Variants in PTPRD observed in about 807,000 individuals in gnomAD.
PTPRD encodes receptor-type tyrosine-protein phosphatase delta.
A neutral mutation model predicts 214.5 loss-of-function variants in PTPRD; 34 were observed. The observed-to-expected ratio is 0.16, with a 90% CI of 0.12 to 0.21. PTPRD has a LOEUF of 0.21. PTPRD is among the 10% of genes least tolerant of loss of function. The probability of loss-of-function intolerance (pLI) is 1.00; values close to 1 mark genes in which losing one functional copy is unlikely to be tolerated. For synonymous variants in PTPRD, 1,128 were observed against 845.7 expected (o/e 1.33, Z -5.79); for missense variants, 2,545 against 2,398.7 (o/e 1.06, Z -1.27).
At chr9:10,150,816 T>G (rs1266603769) in intron 3 of PTPRD, among the ~76,000 whole-genome samples, 1 of 152,036 alleles carries the variant, frequency 6.6e-6, no homozygotes, top group African/African-American at 2.4e-5. Flanking sequence ...TTACTGTGGG[T>G]AGTAAGATAA....
At chr9:9,236,214 T>C (rs897817899) in intron 9 of PTPRD, among the ~76,000 whole-genome samples, 3 of 151,908 alleles carry the variant, frequency 2.0e-5, no homozygotes, top group African/African-American at 7.3e-5. Context: ...GACTGTGCCA[T>C]TGCACTCCAG....
At chr9:10,108,612 G>A (rs2154226235) in intron 3 of PTPRD, among the ~76,000 whole-genome samples, 1 of 151,914 alleles carries the variant, frequency 6.6e-6, no homozygotes, top group East Asian at 1.9e-4. Flanking sequence ...TCCTACTGCT[G>A]GGTATTTATC....
At chr9:8,733,980 G>C (rs1465984406) in intron 11 of PTPRD, 34 bp from the exon 12 acceptor site, 4 of 847,052 alleles carry the variant, frequency 4.7e-6, no homozygotes, top group East Asian at 2.7e-5. Flanking sequence ...AGAAAAGGAA[G>C]AAAACACAAA....
At chr9:10,373,184 A>G (rs1350614149) in intron 2 of PTPRD, among the ~76,000 whole-genome samples, 1 of 152,004 alleles carries the variant, frequency 6.6e-6, no homozygotes, top group Non-Finnish European at 1.5e-5. Context: ...CAAAAATTCA[A>G]CATAAAGCAT....
At chr9:9,241,621 T>A (rs1373694320) in intron 9 of PTPRD, among the ~76,000 whole-genome samples, 1 of 152,052 alleles carries the variant, frequency 6.6e-6, no homozygotes, top group Non-Finnish European at 1.5e-5. Context: ...TCTCTTTTGA[T>A]CTTTGTTGGT....
chr9:10,053,461 G>A lies in PTPRD; in HGVS notation c.-544-19671C>T, dbSNP rs1057401728. On this transcript the variant is annotated intron_variant, in intron 3 of 45. Coordinates refer to ENST00000381196, the MANE Select transcript of PTPRD (RefSeq NM_002839.4). Reference sequence around the variant, plus strand: ...AAATATTTCATGAGGAACGTGAAATGTGATGTATTGTAACTACAGAGAGAA... The same window carrying A: ...AAATATTTCATGAGGAACGTGAAATATGATGTATTGTAACTACAGAGAGAA... Among the ~76,000 whole-genome samples, 5 of 152,272 alleles carry A rather than the reference G, an allele frequency of 3.3e-5. No individual in the cohort carries two copies. In the East Asian group the frequency reaches 9.7e-4, roughly 29 times the overall value.
intron 2 of PTPRD, among the ~76,000 whole-genome samples, chr9:10,423,852 G>A (rs758266558): frequency 1.3e-5 from 2 of 151,892 alleles, no homozygotes; most frequent in African/African-American, 4.8e-5. Context: ...GGATGCACCC[G>A]CTAGATTTTG....
At chr9:9,422,557 T>A (rs1314536901) in intron 8 of PTPRD, among the ~76,000 whole-genome samples, 1 of 152,102 alleles carries the variant, frequency 6.6e-6, no homozygotes, top group Non-Finnish European at 1.5e-5. Flanking sequence ...AAGACATACA[T>A]AAATACTGTC....
At chr9:8,645,061 T>C (rs1321500855) in intron 12 of PTPRD, among the ~76,000 whole-genome samples, 1 of 152,256 alleles carries the variant, frequency 6.6e-6, no homozygotes, top group Non-Finnish European at 1.5e-5. Flanking sequence ...ACAGATAATA[T>C]ATCGCAATTT....
At chr9:9,725,952 G>A (rs894507306) in intron 7 of PTPRD, among the ~76,000 whole-genome samples, 7 of 152,106 alleles carry the variant, frequency 4.6e-5, no homozygotes, top group African/African-American at 1.7e-4. Flanking sequence ...GGACAGTCAT[G>A]TAAAAGACAA....
intron 9 of PTPRD, among the ~76,000 whole-genome samples, chr9:9,250,904 G>T (rs772718459): frequency 4.6e-5 from 7 of 151,916 alleles, no homozygotes; most frequent in Non-Finnish European, 7.4e-5. Flanking sequence ...TTTATCCTTG[G>T]ATCACACATA....
chr9:8,899,787 T>C (rs2098651527), intron 11 of PTPRD, among the ~76,000 whole-genome samples: 1 of 152,180 alleles, frequency 6.6e-6, no homozygotes, highest in African/African-American at 2.4e-5. Flanking sequence ...GGTATCCTTG[T>C]GGGTGAGTGC....
At chr9:8,421,253 C>A (rs904518281) in intron 35 of PTPRD, among the ~76,000 whole-genome samples, 4 of 152,058 alleles carry the variant, frequency 2.6e-5, no homozygotes, top group Non-Finnish European at 5.9e-5. Flanking sequence ...AGAAAACCAA[C>A]CTCCTCCCTC....
At chr9:9,420,024 G>GA (rs984565900) in intron 8 of PTPRD, among the ~76,000 whole-genome samples, 1 of 151,418 alleles carries the variant, frequency 6.6e-6, no homozygotes, top group Non-Finnish European at 1.5e-5. Flanking sequence ...CCAGGTTACA[G>GA]AAAAAATATA....
At chr9:10,448,515 T>C (rs113264204) in intron 2 of PTPRD, among the ~76,000 whole-genome samples, 2,185 of 152,066 alleles carry the variant, frequency 0.014, 74 homozygotes, top group African/African-American at 0.047. Flanking sequence ...AGAGATGAAA[T>C]ATAATAGGAA....
intron 11 of PTPRD, among the ~76,000 whole-genome samples, chr9:8,763,039 G>T (rs1353474217): frequency 6.6e-6 from 1 of 152,176 alleles, no homozygotes; most frequent in Non-Finnish European, 1.5e-5. Flanking sequence ...GTAGGCTCAG[G>T]ATCCTGGCTC....
At chr9:8,848,752 A>T (rs547398753) in intron 11 of PTPRD, among the ~76,000 whole-genome samples, 1 of 152,118 alleles carries the variant, frequency 6.6e-6, no homozygotes, top group Admixed American at 6.5e-5. Context: ...AAAAGTTGGG[A>T]TGCTTGACTT....
In PTPRD at chr9:9,424,178, G is replaced by C. The variant is rs527800820; in HGVS notation, c.-236-26696C>G. On this transcript the variant is annotated intron_variant, in intron 8 of 45. Transcript: ENST00000381196. ...TAGCTCCAGAGCTGCCCGTGGAATG[G>C]CTGAAAAATTTGTTGCCACTTCATC... Among the ~76,000 whole-genome samples, 3 of 152,294 alleles carry C rather than the reference G, an allele frequency of 2.0e-5. No homozygotes were observed. The East Asian group carries it at 5.8e-4, about 29-fold the overall frequency.
intron 5 of PTPRD, among the ~76,000 whole-genome samples, chr9:9,829,847 G>C (rs919893097): frequency 6.6e-6 from 1 of 151,680 alleles, no homozygotes; most frequent in Non-Finnish European, 1.5e-5. Flanking sequence ...AGAATATTCT[G>C]TCATCAAGCA....
Sources: gnomAD v4.1 joint callset for allele counts (sites outside exome capture counted in the v4.1 genomes callset) on GRCh38, gnomAD v4.1.1 for gene constraint, MANE v1.5 for transcripts, NCBI Gene and HGNC (gene_info 2026-07-23, HGNC 2026-07-21) for gene names.